Variants in SLC14A2 observed in about 807,000 individuals in gnomAD.
SLC14A2 encodes urea transporter 2.
Under a neutral mutation model 104.6 loss-of-function variants are expected in SLC14A2, and 91 were observed. The ratio of observed to expected loss-of-function variants is 0.87; its 90% CI spans 0.73 to 1.04. SLC14A2 has a LOEUF of 1.04. Among genes scored for constraint, SLC14A2 ranks in the 50% least tolerant of loss-of-function variants. The pLI is 0.00. For synonymous variants in SLC14A2, 476 were observed against 466.4 expected (o/e 1.02, Z -0.27); for missense variants, 1,189 against 1,156.0 (o/e 1.03, Z -0.41).
the SLC14A2 span, among the ~76,000 whole-genome samples, chr18:45,201,479 C>T: frequency 6.6e-6 from 1 of 151,920 alleles, no homozygotes; most frequent in Non-Finnish European, 1.5e-5. Context: ...GTTGTTTCAA[C>T]TTTGGTCATT....
chr18:45,341,061 CTGTAGAAAGGCT>C (rs2085388645), intron 1 of SLC14A2, among the ~76,000 whole-genome samples: 1 of 151,980 alleles, frequency 6.6e-6, no homozygotes, highest in Admixed American at 6.5e-5. Flanking sequence ...CCAAGGGTGG[CTGTAGAAAGGCT>C]TGAATCATTT....
chr18:45,676,930 A>G (rs771406849), intron 18 of SLC14A2, among the ~76,000 whole-genome samples: 1 of 152,238 alleles, frequency 6.6e-6, no homozygotes, highest in Non-Finnish European at 1.5e-5. Flanking sequence ...TTTTTCTACC[A>G]GTAAAAAAAT....
chr18:45,419,589 T>A, intron 1 of SLC14A2, among the ~76,000 whole-genome samples: 1 of 152,048 alleles, frequency 6.6e-6, no homozygotes, highest in South Asian at 2.1e-4. Context: ...GCCTGGCCAA[T>A]GTGGTGAAAC....
At chr18:45,606,066 A>G (rs2144426597) in intron 2 of SLC14A2, among the ~76,000 whole-genome samples, 1 of 152,162 alleles carries the variant, frequency 6.6e-6, no homozygotes, top group African/African-American at 2.4e-5. Flanking sequence ...ATCCAGCTGG[A>G]GGCGGGGAGG....
At position 45,359,550 on chromosome 18, in the gene SLC14A2, T is replaced by A. The variant is rs537281547; in HGVS notation, c.-124-123683T>A. The stretch of plus-strand genomic sequence containing the variant: ...GTGATCAGGTGCTTATCTCCAGGTG[T>A]TCGCCTAAAGGGAGGTCATGAAAAA... On this transcript the variant is annotated intron_variant, in intron 1 of 20. Coordinates refer to the SLC14A2 transcript ENST00000586448. Among the ~76,000 whole-genome samples the A allele has an allele frequency of 2.0e-5, 3 of 152,296 alleles. No individual in the cohort carries two copies. The East Asian group carries it at 5.8e-4, about 29-fold the overall frequency.
intron 1 of SLC14A2, among the ~76,000 whole-genome samples, chr18:45,462,772 T>C (rs1410740063): frequency 2.6e-5 from 4 of 152,130 alleles, no homozygotes; most frequent in Non-Finnish European, 1.5e-5. Context: ...TTTTTTTTAA[T>C]TTTTTTGTTT....
chr18:45,498,703 T>G (rs1479631606), intron 2 of SLC14A2, among the ~76,000 whole-genome samples: 1 of 152,168 alleles, frequency 6.6e-6, no homozygotes, highest in Admixed American at 6.5e-5. Context: ...GGTCTCTCCC[T>G]TTCAATTAGT....
intron 1 of SLC14A2, among the ~76,000 whole-genome samples, chr18:45,464,737 G>C (rs1344317043): frequency 6.6e-6 from 1 of 152,186 alleles, no homozygotes; most frequent in Non-Finnish European, 1.5e-5. Flanking sequence ...TGTGACCTTT[G>C]CAGGTTGTCG....
At chr18:45,523,432 C>A (rs908672613) in intron 2 of SLC14A2, among the ~76,000 whole-genome samples, 1 of 151,244 alleles carries the variant, frequency 6.6e-6, no homozygotes, top group East Asian at 1.9e-4. Context: ...CTAGCTCAAG[C>A]GATTCTCCTG....
chr18:45,574,857 G>A (rs781476800), intron 2 of SLC14A2, among the ~76,000 whole-genome samples: 12 of 152,056 alleles, frequency 7.9e-5, no homozygotes, highest in Non-Finnish European at 1.3e-4. Flanking sequence ...ATGAGACCTG[G>A]GCATATGCAT....
At chr18:45,179,711 A>G in the SLC14A2 span, among the ~76,000 whole-genome samples, 2 of 152,196 alleles carry the variant, frequency 1.3e-5, no homozygotes, top group East Asian at 1.9e-4. Flanking sequence ...TCATAAATGA[A>G]GTAAAAACCA....
chr18:45,585,801 TCA>T (rs1296241125), intron 2 of SLC14A2, among the ~76,000 whole-genome samples: 1 of 152,150 alleles, frequency 6.6e-6, no homozygotes, highest in Non-Finnish European at 1.5e-5. Flanking sequence ...TGAGCCACTC[TCA>T]GAGATGCTCT....
chr18:45,353,317 T>C (rs11082445), intron 1 of SLC14A2, among the ~76,000 whole-genome samples: 50,775 of 152,056 alleles, frequency 0.33, 8,759 homozygotes, highest in South Asian at 0.39. Context: ...TGGAAGACAG[T>C]TGAATTAGGT....
At chr18:45,265,347 G>T (rs1271292950) in intron 1 of SLC14A2, among the ~76,000 whole-genome samples, 1 of 152,146 alleles carries the variant, frequency 6.6e-6, no homozygotes, top group East Asian at 1.9e-4. Context: ...ATAATTCTTA[G>T]AATGGCCCAA....
At chr18:45,313,470 C>G (rs550101029) in intron 1 of SLC14A2, among the ~76,000 whole-genome samples, 8 of 152,272 alleles carry the variant, frequency 5.3e-5, no homozygotes, top group African/African-American at 1.7e-4. Flanking sequence ...TTCTGCTATA[C>G]CGTCTCTCAT....
At chr18:45,453,001 C>A (rs1350531488) in intron 1 of SLC14A2, among the ~76,000 whole-genome samples, 1 of 152,160 alleles carries the variant, frequency 6.6e-6, no homozygotes, top group Admixed American at 6.5e-5. Flanking sequence ...TAGTGTTCAA[C>A]CCCGGACATC....
intron 2 of SLC14A2, among the ~76,000 whole-genome samples, chr18:45,532,998 G>A (rs1281418746): frequency 1.8e-4 from 28 of 151,692 alleles, no homozygotes; most frequent in Non-Finnish European, 2.8e-4. Context: ...GCTGGATTAC[G>A]TTTATTGATT....
intron 1 of SLC14A2, among the ~76,000 whole-genome samples, chr18:45,475,556 A>G (rs1266352798): frequency 2.8e-5 from 4 of 145,442 alleles, no homozygotes; most frequent in Admixed American, 6.9e-5. Flanking sequence ...TTGGGTGCAT[A>G]TATTTAGGAT....
the SLC14A2 span, among the ~76,000 whole-genome samples, chr18:45,199,393 G>A: frequency 6.6e-6 from 1 of 151,998 alleles, no homozygotes; most frequent in Non-Finnish European, 1.5e-5. Flanking sequence ...CAGCCTCCAA[G>A]TCTGTTAATT....
Sources: gnomAD v4.1 joint callset for allele counts (sites outside exome capture counted in the v4.1 genomes callset) on GRCh38, gnomAD v4.1.1 for gene constraint, MANE v1.5 for transcripts, NCBI Gene and HGNC (gene_info 2026-07-23, HGNC 2026-07-21) for gene names.